The following NR3C1 variants were observed in gnomAD, a reference collection of about 807,000 sequenced individuals.
NR3C1 encodes the protein glucocorticoid receptor.
Under a neutral mutation model 74.0 loss-of-function variants are expected in NR3C1, and 14 were observed. That is an observed-to-expected ratio of 0.19 (90% CI 0.12 to 0.30). The LOEUF is 0.30. Among genes scored for constraint, NR3C1 ranks in the 10% least tolerant of loss-of-function variants. The pLI is 1.00. For missense variants in NR3C1, 695 were observed against 909.8 expected (o/e 0.76, Z 3.04); for synonymous variants, 308 against 332.5 (o/e 0.93, Z 0.80).
At chr5:143,358,079 T>C (rs1489038504) in intron 2 of NR3C1, among the ~76,000 whole-genome samples, 1 of 152,264 alleles carries the variant, frequency 6.6e-6, no homozygotes, top group East Asian at 1.9e-4. Flanking sequence ...TGTGTACTAC[T>C]GAATAGGAAG....
chr5:143,278,255 GCTT>G lies in NR3C1; in HGVS notation c.*3631_*3633del, dbSNP rs758125652. ...TACTGTGATAAAAAATAATGAAAAAGCTTCTTAATAATGCCATACACAGTATAA... is the reference window on the plus strand; with the variant it reads ...TACTGTGATAAAAAATAATGAAAAAGCTTAATAATGCCATACACAGTATAA... On this transcript the variant is annotated 3_prime_UTR_variant, in exon 9 of 9. Transcript: ENST00000394464. The G allele has an allele frequency of 5.9e-5, 9 of 151,906 alleles. No homozygotes were observed. The highest frequency in any genetic ancestry group is 1.2e-4 in the Non-Finnish European group (8 of 67,976). The allele number at this position is 151,906 out of a possible 1,614,324, so 9.4% of individuals were successfully genotyped here.
intron 2 of NR3C1, among the ~76,000 whole-genome samples, chr5:143,390,428 T>C (rs1838022032): frequency 6.6e-6 from 1 of 152,168 alleles, no homozygotes; most frequent in Admixed American, 6.5e-5. Context: ...TTTGGGAGAC[T>C]GTTGTAGGAA....
At chr5:143,285,178 T>C (rs988531226) in intron 7 of NR3C1, among the ~76,000 whole-genome samples, 1 of 152,120 alleles carries the variant, frequency 6.6e-6, no homozygotes, top group Non-Finnish European at 1.5e-5. Context: ...TTGTGCATAC[T>C]TAGGGTGAAA....
chr5:143,387,883 A>T (rs371532631), intron 2 of NR3C1, among the ~76,000 whole-genome samples: 1 of 152,222 alleles, frequency 6.6e-6, no homozygotes, highest in Admixed American at 6.5e-5. Flanking sequence ...TTACACACAC[A>T]CTTATCTGAA....
chr5:143,302,438 G>A (rs550318609), intron 4 of NR3C1, among the ~76,000 whole-genome samples: 4 of 152,096 alleles, frequency 2.6e-5, no homozygotes, highest in African/African-American at 2.4e-5. Context: ...ATCATAAAAT[G>A]TACTTTTGTT....
At position 143,400,364 on chromosome 5, in the gene NR3C1, G is replaced by T. The variant is rs936255845; in HGVS notation, c.476C>A (p.Thr159Asn). 6.2e-7 allele frequency: 1 copy of T among 1,614,156 alleles called. No individual in the cohort carries two copies. The highest frequency in any genetic ancestry group is 8.5e-7 in the Non-Finnish European group (1 of 1,180,020). ...CTGTTCTGAAGATACATCAGAGTGAGTTTTTGGAAACTCCTTCTCTGTGGG... is the reference window on the plus strand; with the variant it reads ...CTGTTCTGAAGATACATCAGAGTGATTTTTTGGAAACTCCTTCTCTGTGGG... Reference protein sequence around the residue: ...AAPTEKEFPKTHSDVSSEQQH... With the variant: ...AAPTEKEFPKNHSDVSSEQQH... The change falls in exon 2 of 9, where the codon ACT becomes AAT. Residue 159 changes from threonine (T) to asparagine (N), a missense_variant. Transcript: ENST00000394464.
intron 2 of NR3C1, among the ~76,000 whole-genome samples, chr5:143,361,529 C>A (rs1483591623): frequency 1.3e-5 from 2 of 152,154 alleles, no homozygotes; most frequent in African/African-American, 4.8e-5. Context: ...TCTCTACTTG[C>A]ACCCAACTCT....
In NR3C1 at chr5:143,332,709, C is replaced by T. The variant is rs1258881540; in HGVS notation, c.1185-18541G>A. 2.0e-5 allele frequency: 32 copies of T among 1,576,864 alleles called. 1 individual carries two copies. The highest frequency in any genetic ancestry group is 6.7e-5 in the African/African-American group (5 of 74,368). On this transcript the variant is annotated intron_variant, in intron 2 of 8. Coordinates refer to ENST00000394464, the MANE Select transcript of NR3C1 (RefSeq NM_000176.3). ...GAAACGTGACAAGGTGCGTCTCAGA[C>T]GACTAGAAGTGAAACCTCATGCCTT...
Position 143,314,116 on chromosome 5 carries a change from T to C in NR3C1, c.1237A>G (p.Thr413Ala), listed in dbSNP as rs145046100. 1.3e-5 allele frequency: 21 copies of C among 1,613,704 alleles called. No homozygotes were observed. Among genetic ancestry groups the C allele is most frequent in the Non-Finnish European group, 1.8e-5 (21 of 1,179,800 alleles). The change falls in exon 3 of 9, where the codon ACA becomes GCA. Residue 413 changes from threonine to alanine, a missense_variant. Thr to Ala is a moderately conservative substitution (Grantham distance 58, BLOSUM62 0). Around this residue, in one of 4 missense-constraint regions of NR3C1, gnomAD observed 497 missense variants for 489.5 expected, o/e 1.02. Coordinates refer to ENST00000394464, the MANE Select transcript of NR3C1 (RefSeq NM_000176.3). ...SSPPSSSSTA[T>A]TGPPPKLCLV... ...CAGAGTTTGGGAGGTGGTCCTGTTG[T>C]TGCTGTTGAGGAGCTGGATGGAGGA...
intron 1 of NR3C1, among the ~76,000 whole-genome samples, chr5:143,415,892 T>A (rs1841460290): frequency 6.6e-6 from 1 of 151,472 alleles, no homozygotes; most frequent in African/African-American, 2.5e-5. Flanking sequence ...CCTTTAGACA[T>A]TCTAGAAAAA....
At chr5:143,405,404 C>G, upstream of NR3C1, 3 of 966,938 alleles carry the variant, frequency 3.1e-6, no homozygotes, top group Non-Finnish European at 3.7e-6. Context: ...GGAAGCGCGT[C>G]CCGGAAGCCG....
At chr5:143,405,205 G>A, upstream of NR3C1, 1 of 985,860 alleles carries the variant, frequency 1.0e-6, no homozygotes. Context: ...TGCTGTGTGG[G>A]TTTAGGGTTT....
chr5:143,293,446 C>A (rs954668047), intron 7 of NR3C1, among the ~76,000 whole-genome samples: 2 of 152,034 alleles, frequency 1.3e-5, no homozygotes, highest in African/African-American at 2.4e-5. Context: ...GATGGGTGCA[C>A]CAAAATCCCA....
At chr5:143,362,148 C>T (rs1210644133) in intron 2 of NR3C1, among the ~76,000 whole-genome samples, 1 of 152,126 alleles carries the variant, frequency 6.6e-6, no homozygotes, top group East Asian at 1.9e-4. Flanking sequence ...AATTAATCAA[C>T]GGCTTGAAGC....
rs1175302738 is a variant in NR3C1, at chr5:143,403,469, C to G, written c.-272G>C. The G allele has an allele frequency of 9.1e-6, 9 of 985,178 alleles. No individual in the cohort carries two copies. Among genetic ancestry groups the G allele is most frequent in the African/African-American group, 1.7e-5 (1 of 57,212 alleles). The allele number at this position is 985,178 out of a possible 1,614,324, so 61.0% of individuals were successfully genotyped here. ...GTCGAGGTTCCGGGCGCGCGTGCCC[C>G]GTCCCGGTCCCAGCTGCTTCGGCCG... is the stretch of plus-strand genomic sequence containing the variant. On this transcript the variant is annotated 5_prime_UTR_variant, in exon 1 of 9. Coordinates refer to ENST00000394464, the MANE Select transcript of NR3C1 (RefSeq NM_000176.3).
chr5:143,377,065 C>A (rs568780598), intron 2 of NR3C1, among the ~76,000 whole-genome samples: 7 of 152,242 alleles, frequency 4.6e-5, no homozygotes, highest in African/African-American at 1.4e-4. Context: ...TTTATTAATG[C>A]CTGAAATTCC....
intron 7 of NR3C1, among the ~76,000 whole-genome samples, chr5:143,284,930 T>G (rs1392671062): frequency 5.3e-5 from 8 of 152,024 alleles, no homozygotes; most frequent in Admixed American, 5.2e-4. Context: ...AGATTGAAGT[T>G]TGGGGAGGCT....
intron 2 of NR3C1, among the ~76,000 whole-genome samples, chr5:143,397,696 A>G (rs1839480562): frequency 6.6e-6 from 1 of 151,922 alleles, no homozygotes; most frequent in South Asian, 2.1e-4. Context: ...ATATTAAAGA[A>G]CTTCTAAAGA....
intron 7 of NR3C1, among the ~76,000 whole-genome samples, chr5:143,288,380 A>G (rs1815036191): frequency 1.3e-5 from 2 of 152,036 alleles, no homozygotes; most frequent in African/African-American, 2.4e-5. Context: ...CGGCCTCCCA[A>G]CGTGCTGGAA....
Sources: allele counts gnomAD v4.1 joint callset (sites outside exome capture counted in the v4.1 genomes callset), GRCh38; gene constraint gnomAD v4.1.1; regional missense constraint gnomAD v4.1.1; transcripts MANE v1.5; gene names NCBI Gene and HGNC (gene_info 2026-07-23, HGNC 2026-07-21).